OLA1: variants seen among roughly 807,000 people sequenced by gnomAD.
OLA1 encodes the protein obg-like ATPase 1.
Under a neutral mutation model 48.4 loss-of-function variants are expected in OLA1, and 14 were observed. The observed-to-expected ratio is 0.29, with a 90% CI of 0.19 to 0.45. The LOEUF (loss-of-function observed/expected upper bound fraction) is 0.45, where lower values mean the gene tolerates loss of function less well. Ranked by LOEUF, OLA1 falls within the 20% of genes least tolerant of loss-of-function variation. OLA1 has a pLI of 1.00. For missense variants in OLA1, 325 were observed against 467.1 expected, an observed-to-expected ratio of 0.70 and a Z score of 2.80; for synonymous variants, 127 against 150.4, an observed-to-expected ratio of 0.84 and a Z score of 1.14.
At chr2:174,134,750 G>A (rs1686262992) in intron 5 of OLA1, among the ~76,000 whole-genome samples, 1 of 152,150 alleles carries the variant, frequency 6.6e-6, no homozygotes, top group Non-Finnish European at 1.5e-5. Flanking sequence ...CTAGTGAATT[G>A]TATACTTAAA....
intron 4 of OLA1, among the ~76,000 whole-genome samples, chr2:174,154,589 G>C (rs780766058): frequency 2.0e-5 from 3 of 152,168 alleles, no homozygotes; most frequent in Non-Finnish European, 4.4e-5. Flanking sequence ...AGGTCTAAGA[G>C]ATCTCTACCA....
chr2:174,126,529 G>A (rs1234445767), intron 5 of OLA1, among the ~76,000 whole-genome samples: 2 of 152,010 alleles, frequency 1.3e-5, no homozygotes, highest in Admixed American at 6.6e-5. Context: ...TGAACTTTTC[G>A]GTTAGACTGC....
chr2:174,142,053 A>T (rs1262430340), intron 4 of OLA1, 53 bp from the exon 5 acceptor site: 3 of 1,452,024 alleles, frequency 2.1e-6, no homozygotes, highest in Non-Finnish European at 2.9e-6. Flanking sequence ...CAGCGTGTTC[A>T]TTATGATAGA....
chr2:174,151,371 C>T (rs1686742441), intron 4 of OLA1, among the ~76,000 whole-genome samples: 1 of 152,240 alleles, frequency 6.6e-6, no homozygotes, highest in East Asian at 1.9e-4. Context: ...AATTATTACA[C>T]AAATATATGG....
intron 4 of OLA1, among the ~76,000 whole-genome samples, chr2:174,206,804 C>G (rs1157110816): frequency 2.6e-5 from 4 of 152,048 alleles, no homozygotes; most frequent in East Asian, 3.9e-4. Flanking sequence ...ATTACTTAAC[C>G]CATTGAATTT....
intron 5 of OLA1, among the ~76,000 whole-genome samples, chr2:174,129,037 C>T (rs1351968744): frequency 1.3e-5 from 2 of 152,138 alleles, no homozygotes; most frequent in South Asian, 2.1e-4. Context: ...AGTTACCTAA[C>T]CTCTCTCAGC....
At chr2:174,088,652 A>C (rs540109558) in intron 7 of OLA1, among the ~76,000 whole-genome samples, 1 of 152,298 alleles carries the variant, frequency 6.6e-6, no homozygotes, top group South Asian at 2.1e-4. Context: ...AATAAGGAGA[A>C]AGAAGAAATA....
Position 174,075,130 on chromosome 2 carries a change from C to A in OLA1, c.*296G>T, listed in dbSNP as rs1170435728. The A allele has an allele frequency of 3.5e-6, 1 of 282,022 alleles. No individual in the cohort carries two copies. The highest frequency in any genetic ancestry group is 6.7e-6 in the Non-Finnish European group (1 of 149,036). The allele number at this position is 282,022 out of a possible 1,614,324, so 17.5% of individuals were successfully genotyped here. ...TGTCAAATGTGTCAGGCTTGGCATACATGATGGAGATTAATGAAGTATCAT... is the reference window on the plus strand; with the variant it reads ...TGTCAAATGTGTCAGGCTTGGCATAAATGATGGAGATTAATGAAGTATCAT... On this transcript the variant is annotated 3_prime_UTR_variant, in exon 11 of 11. Coordinates refer to ENST00000284719, the MANE Select transcript of OLA1 (RefSeq NM_013341.5).
chr2:174,244,652 C>T (rs1235794575), intron 2 of OLA1, among the ~76,000 whole-genome samples: 3 of 150,642 alleles, frequency 2.0e-5, no homozygotes, highest in African/African-American at 7.3e-5. Context: ...GAGACGGAGT[C>T]TCGCTCTGTC....
At position 174,223,060 on chromosome 2, in the gene OLA1, C is replaced by T. The variant is rs1457729445; in HGVS notation, c.346G>A (p.Ala116Thr). 2 of 1,613,452 alleles carry T rather than the reference C, an allele frequency of 1.2e-6. No individual in the cohort carries two copies. Among genetic ancestry groups the T allele is most frequent in the Non-Finnish European group, 1.7e-6 (2 of 1,179,694 alleles). Residue 116 changes from alanine to threonine, a missense_variant, in exon 4 of 11, where the codon GCC becomes ACC. Physicochemically the swap from Ala to Thr is moderately conservative, Grantham distance 58 (BLOSUM62 0). Coordinates refer to ENST00000284719, the MANE Select transcript of OLA1 (RefSeq NM_013341.5). ...LGNAFLSHIS[A>T]CDGIFHLTRA... Reference sequence around the variant, plus strand: ...GTTAGATGAAAGATGCCATCACAGGCACTAATATGAGATAAAAAAGCATTC... The same window carrying T: ...GTTAGATGAAAGATGCCATCACAGGTACTAATATGAGATAAAAAAGCATTC...
At chr2:174,168,240 A>T (rs952980077) in intron 4 of OLA1, among the ~76,000 whole-genome samples, 2 of 152,132 alleles carry the variant, frequency 1.3e-5, no homozygotes, top group African/African-American at 2.4e-5. Flanking sequence ...AATAGAAGAA[A>T]TCCCCACCTC....
At chr2:174,183,675 T>A (rs1687595383) in intron 4 of OLA1, among the ~76,000 whole-genome samples, 1 of 152,198 alleles carries the variant, frequency 6.6e-6, no homozygotes, top group African/African-American at 2.4e-5. Context: ...TACCACTGCA[T>A]GTTGAAAGTG....
At chr2:174,229,523 C>T in intron 2 of OLA1, 72 bp from the exon 3 acceptor site, 1 of 1,084,774 alleles carries the variant, frequency 9.2e-7, no homozygotes, top group Non-Finnish European at 1.4e-6. Context: ...ACTCTAATTT[C>T]AATGCTCAAA....
At chr2:174,101,399 C>T (rs959602747) in intron 7 of OLA1, among the ~76,000 whole-genome samples, 30 of 152,146 alleles carry the variant, frequency 2.0e-4, no homozygotes, top group African/African-American at 7.2e-4. Flanking sequence ...TAAAAATATA[C>T]ATTCTGAAAA....
intron 4 of OLA1, among the ~76,000 whole-genome samples, chr2:174,156,848 G>A (rs1686896707): frequency 6.6e-6 from 1 of 151,854 alleles, no homozygotes; most frequent in African/African-American, 2.4e-5. Context: ...GCCCTCCAAA[G>A]TGCTGGGATT....
chr2:174,181,292 G>T (rs1458657292), intron 4 of OLA1, among the ~76,000 whole-genome samples: 1 of 152,188 alleles, frequency 6.6e-6, no homozygotes, highest in African/African-American at 2.4e-5. Flanking sequence ...CGAATGTGAA[G>T]AAGTGGAGAT....
intron 5 of OLA1, among the ~76,000 whole-genome samples, chr2:174,141,429 T>G (rs1246512394): frequency 1.3e-5 from 2 of 152,202 alleles, no homozygotes; most frequent in African/African-American, 4.8e-5. Context: ...ACTTTAAGAG[T>G]GTATTCATTT....
chr2:174,147,459 A>C (rs969889343), intron 4 of OLA1, among the ~76,000 whole-genome samples: 4 of 152,002 alleles, frequency 2.6e-5, no homozygotes, highest in African/African-American at 9.7e-5. Context: ...AATCAAGTCC[A>C]CCTAAGGCTT....
chr2:174,185,684 T>C (rs1452673700), intron 4 of OLA1, among the ~76,000 whole-genome samples: 1 of 152,174 alleles, frequency 6.6e-6, no homozygotes, highest in Admixed American at 6.5e-5. Flanking sequence ...TCCCAGCACA[T>C]TGGGAGGCTG....
Sources: allele counts gnomAD v4.1 joint callset (sites outside exome capture counted in the v4.1 genomes callset), GRCh38; gene constraint gnomAD v4.1.1; transcripts MANE v1.5; gene names NCBI Gene and HGNC (gene_info 2026-07-23, HGNC 2026-07-21).